TRAK1: variants seen among roughly 807,000 people sequenced by gnomAD.
The protein encoded by TRAK1 is trafficking kinesin protein 1, also known as trafficking kinesin-binding protein 1.
In TRAK1, 33 loss-of-function variants were observed where a neutral mutation model predicts 92.1. The observed-to-expected ratio is 0.36, with a 90% CI of 0.27 to 0.48. The LOEUF (loss-of-function observed/expected upper bound fraction) is 0.48. TRAK1 is among the 20% of genes least tolerant of loss of function. The probability of loss-of-function intolerance (pLI) is 0.99; values close to 1 mark genes in which losing one functional copy is unlikely to be tolerated. For synonymous variants in TRAK1, 521 were observed against 517.3 expected, an observed-to-expected ratio of 1.01 and a Z score of -0.10; for missense variants, 1,123 against 1,257.9, an observed-to-expected ratio of 0.89 and a Z score of 1.62.
chr3:42,156,944 A>C (rs547469389), intron 2 of TRAK1, among the ~76,000 whole-genome samples: 27 of 152,288 alleles, frequency 1.8e-4, no homozygotes, highest in African/African-American at 6.3e-4. Context: ...AGTTGAGGTC[A>C]GGAGTTTGAG....
At chr3:42,211,635 C>T in intron 14 of TRAK1, 1 of 985,252 alleles carries the variant, frequency 1.0e-6, no homozygotes, top group Non-Finnish European at 1.2e-6. Context: ...TCTGGAAGTG[C>T]AAAGAAGCAC....
chr3:42,221,017 T>C (rs761607640), intron 15 of TRAK1, among the ~76,000 whole-genome samples: 3 of 151,070 alleles, frequency 2.0e-5, no homozygotes, highest in Admixed American at 6.6e-5. Flanking sequence ...CAGGTTTTCA[T>C]GTGGCTGTGT....
intron 2 of TRAK1, chr3:42,146,258 C>T (rs188749776): frequency 9.9e-6 from 3 of 303,010 alleles, no homozygotes; most frequent in African/African-American, 4.5e-5. Context: ...TGATGAAAAG[C>T]AATATTGCCG....
intron 14 of TRAK1, chr3:42,218,463 G>T: frequency 5.8e-6 from 4 of 688,400 alleles, no homozygotes; most frequent in African/African-American, 2.0e-5. Context: ...GGTTGGGTGG[G>T]AGAATCATCC....
chr3:42,186,354 T>G (rs541890030), intron 4 of TRAK1, among the ~76,000 whole-genome samples: 189 of 152,326 alleles, frequency 1.2e-3, no homozygotes, highest in Non-Finnish European at 1.7e-3. Flanking sequence ...CTAAGATGTA[T>G]TCAACCTTTT....
rs191129431 is a variant in TRAK1 at position 42,067,309 on chromosome 3, T to C, written c.-518-19795T>C. ...CTGAAAATTAGGTATTTAAGGACTT[T>C]GTCAATTATGGTTAAGCACATTTTT... On this transcript the variant is annotated intron_variant, in intron 1 of 16. Transcript: ENST00000487159. Among the ~76,000 whole-genome samples, 523 of 152,350 alleles carry C rather than the reference T, an allele frequency of 3.4e-3. 3 individuals are homozygous for C. Among genetic ancestry groups the C allele is most frequent in the African/African-American group, 0.012 (502 of 41,584 alleles).
intron 2 of TRAK1, 95 bp downstream of exon 2, chr3:42,125,709 A>T (rs1710467605): frequency 1.4e-6 from 2 of 1,392,968 alleles, no homozygotes; most frequent in Admixed American, 2.0e-5. Flanking sequence ...CTACCCTGTG[A>T]TGTGGCTTGC....
chr3:42,056,645 CT>C (rs1703217047), intron 1 of TRAK1, among the ~76,000 whole-genome samples: 1 of 152,066 alleles, frequency 6.6e-6, no homozygotes, highest in Admixed American at 6.5e-5. Flanking sequence ...TAAAAACATT[CT>C]TTTGTTTACC....
At chr3:42,117,161 CAG>C (rs1010489989) in intron 1 of TRAK1, among the ~76,000 whole-genome samples, 3 of 152,084 alleles carry the variant, frequency 2.0e-5, no homozygotes, top group African/African-American at 7.2e-5. Context: ...TCTCACCGCT[CAG>C]AGAAATTTAG....
rs1182763177 is a variant in TRAK1 at position 42,191,630 on chromosome 3, G to A, written c.763G>A (p.Glu255Lys). 5 of 1,600,692 alleles carry A rather than the reference G, an allele frequency of 3.1e-6. No individual in the cohort carries two copies. Among genetic ancestry groups the A allele is most frequent in the Non-Finnish European group, 8.5e-7 (1 of 1,173,542 alleles). The change falls in exon 7 of 16, where the codon GAG (glutamate) becomes AAG (lysine). Residue 255 changes from glutamate to lysine, a missense_variant. Physicochemically the swap from Glu to Lys is moderately conservative, Grantham distance 56. This residue lies in a region of TRAK1 where 686 missense variants were observed against 747.6 expected (regional missense o/e 0.92). Coordinates refer to ENST00000327628, the MANE Select transcript of TRAK1 (RefSeq NM_001042646.3). ...EQQLVNDCVK[E>K]LRDANVQIAS... The stretch of plus-strand genomic sequence containing the variant: ...GCAGCTGGTCAATGACTGCGTGAAG[G>A]AGCTGAGTATGTCCCCGCACTGCTG...
intron 10 of TRAK1, among the ~76,000 whole-genome samples, chr3:42,196,661 C>A (rs1317378010): frequency 7.3e-5 from 11 of 151,702 alleles, no homozygotes; most frequent in Non-Finnish European, 1.5e-4. Context: ...CCTCAACCTC[C>A]CAAGTAGCTG....
intron 2 of TRAK1, among the ~76,000 whole-genome samples, chr3:42,129,013 T>A (rs887320740): frequency 6.6e-6 from 1 of 152,256 alleles, no homozygotes; most frequent in Non-Finnish European, 1.5e-5. Flanking sequence ...CCCAGAGTTT[T>A]TCAAGTTTTA....
chr3:42,160,265 G>C, intron 2 of TRAK1: 1 of 1,549,088 alleles, frequency 6.5e-7, no homozygotes, highest in Non-Finnish European at 8.7e-7. Flanking sequence ...TGTGCCCTGG[G>C]GGCCCAGGCC....
At chr3:42,090,518 T>C (rs1490537223), upstream of TRAK1, among the ~76,000 whole-genome samples, 1 of 152,138 alleles carries the variant, frequency 6.6e-6, no homozygotes, top group Non-Finnish European at 1.5e-5. Flanking sequence ...AAACCCCGTC[T>C]CTACTAAAAA....
Position 42,209,804 on chromosome 3 carries a change from A to C in TRAK1, c.1782A>C (p.Gln594His), listed in dbSNP as rs141984215. ...ATLHHWQQLA[Q>H]PHLGGILDPR... ...TTCACCACTGGCAGCAGTTGGCCCAACCTCACCTTGGGGGCATCCTGGACC... is the reference window on the plus strand; with the variant it reads ...TTCACCACTGGCAGCAGTTGGCCCACCCTCACCTTGGGGGCATCCTGGACC... The change falls in exon 14 of 16, where the codon CAA (glutamine) becomes CAC (histidine). Residue 594 changes from glutamine to histidine, a missense_variant. Physicochemically the swap from Gln to His is conservative, Grantham distance 24. Coordinates refer to ENST00000327628, the MANE Select transcript of TRAK1 (RefSeq NM_001042646.3). 1 of 1,613,872 alleles carries C rather than the reference A, an allele frequency of 6.2e-7. No individual in the cohort carries two copies. Among genetic ancestry groups the C allele is most frequent in the Non-Finnish European group, 8.5e-7 (1 of 1,179,990 alleles).
intron 1 of TRAK1, among the ~76,000 whole-genome samples, chr3:42,120,707 C>T (rs989180005): frequency 6.6e-6 from 1 of 152,160 alleles, no homozygotes; most frequent in Admixed American, 6.5e-5. Flanking sequence ...GCCACCACAC[C>T]CACCTAATTT....
chr3:42,091,276 C>T, upstream of TRAK1: 1 of 561,348 alleles, frequency 1.8e-6, no homozygotes, highest in Non-Finnish European at 3.1e-6. Flanking sequence ...TGATAGGGTT[C>T]CCAGGCTGCC....
At chr3:42,032,394 C>T (rs1702177230) in intron 1 of TRAK1, among the ~76,000 whole-genome samples, 2 of 151,356 alleles carry the variant, frequency 1.3e-5, no homozygotes, top group African/African-American at 2.4e-5. Flanking sequence ...CCCATTGTCC[C>T]ATGTTGTTCG....
intron 2 of TRAK1, among the ~76,000 whole-genome samples, chr3:42,166,189 G>A (rs1701841997): frequency 6.6e-6 from 1 of 152,154 alleles, no homozygotes; most frequent in Admixed American, 6.5e-5. Flanking sequence ...TTAGGGGTTA[G>A]ACAGATCAGG....
Sources: gnomAD v4.1 joint callset for allele counts (sites outside exome capture counted in the v4.1 genomes callset) on GRCh38, gnomAD v4.1.1 for gene constraint, gnomAD v4.1.1 regional missense constraint, MANE v1.5 for transcripts, NCBI Gene and HGNC (gene_info 2026-07-23, HGNC 2026-07-21) for gene names.